Variants in PPP1R1C observed in about 807,000 individuals in gnomAD.
PPP1R1C encodes protein phosphatase 1 regulatory subunit 1C.
In PPP1R1C, 15 loss-of-function variants were observed where a neutral mutation model predicts 17.4. That is an observed-to-expected ratio of 0.86 (90% CI 0.58 to 1.33). The LOEUF is 1.33. Among genes scored for constraint, PPP1R1C ranks in the 40% most tolerant of loss-of-function variants. The probability of loss-of-function intolerance (pLI) is 0.00; values close to 1 mark genes in which losing one functional copy is unlikely to be tolerated. For missense variants in PPP1R1C, 143 were observed against 130.0 expected, an observed-to-expected ratio of 1.10 and a Z score of -0.48; for synonymous variants, 35 against 43.1, an observed-to-expected ratio of 0.81 and a Z score of 0.73.
chr2:181,961,299 G>T lies in PPP1R1C; in HGVS notation n.111+6665G>T. 1.4e-6 allele frequency: 1 copy of T among 736,720 alleles called. No homozygotes were observed. 45.6% of individuals were successfully genotyped at this position (736,720 alleles called of 1,614,324 possible). ...TTTGCATGGAGTTGCTGTTGTCCAGGGCATCACCAAGATTGAAGTCATCAT... is the reference window on the plus strand; with the variant it reads ...TTTGCATGGAGTTGCTGTTGTCCAGTGCATCACCAAGATTGAAGTCATCAT... On this transcript the variant is annotated intron_variant and non_coding_transcript_variant, in intron 1 of 5. Transcript: ENST00000464264. The surrounding 1 kb of genome is among the most constrained non-coding windows in gnomAD (Gnocchi z 5.8).
At chr2:182,018,476 G>A (rs905265993) in intron 2 of PPP1R1C, among the ~76,000 whole-genome samples, 1 of 152,284 alleles carries the variant, frequency 6.6e-6, no homozygotes, top group African/African-American at 2.4e-5. Flanking sequence ...TACATTCCAG[G>A]CATAGCTTGT....
chr2:182,042,879 GAT>G (rs1355328687), intron 2 of PPP1R1C, among the ~76,000 whole-genome samples: 1 of 152,176 alleles, frequency 6.6e-6, no homozygotes, highest in African/African-American at 2.4e-5. Flanking sequence ...CAGAAAATGA[GAT>G]ATGTTCGGTC....
intron 2 of PPP1R1C, among the ~76,000 whole-genome samples, chr2:182,029,646 T>C (rs1248951082): frequency 8.1e-6 from 1 of 123,730 alleles, no homozygotes; most frequent in Non-Finnish European, 1.7e-5. Flanking sequence ...GCCCTTAACA[T>C]TTTTTCCTTC....
chr2:182,037,041 G>A (rs991304941), intron 2 of PPP1R1C, among the ~76,000 whole-genome samples: 2 of 152,108 alleles, frequency 1.3e-5, no homozygotes, highest in African/African-American at 4.8e-5. Context: ...ATACCAGAAC[G>A]GATTGAGGCT....
At chr2:182,116,216 T>C (rs574839423) in intron 4 of PPP1R1C, among the ~76,000 whole-genome samples, 1 of 152,302 alleles carries the variant, frequency 6.6e-6, no homozygotes, top group Non-Finnish European at 1.5e-5. Flanking sequence ...CAATAAATAT[T>C]AATGAGTACC....
chr2:181,959,030 G>A (rs886744919), intron 1 of PPP1R1C, among the ~76,000 whole-genome samples: 15 of 152,204 alleles, frequency 9.9e-5, no homozygotes, highest in Non-Finnish European at 2.2e-4. Flanking sequence ...CATATGTTAA[G>A]CGTTAGTATA....
At chr2:182,004,968 T>C (rs932897304) in intron 2 of PPP1R1C, among the ~76,000 whole-genome samples, 3 of 152,126 alleles carry the variant, frequency 2.0e-5, no homozygotes, top group African/African-American at 2.4e-5. Context: ...ATGGAACCCA[T>C]TACTCTAGAC....
At chr2:182,096,208 T>C (rs748566144) in intron 4 of PPP1R1C, among the ~76,000 whole-genome samples, 13 of 152,174 alleles carry the variant, frequency 8.5e-5, no homozygotes, top group Non-Finnish European at 1.9e-4. Context: ...AATTTAATGG[T>C]AAAAACGGGG....
At chr2:181,998,098 G>A (rs1012438460) in intron 2 of PPP1R1C, among the ~76,000 whole-genome samples, 6 of 152,158 alleles carry the variant, frequency 3.9e-5, no homozygotes, top group Non-Finnish European at 7.4e-5. Context: ...AGGCCATTTT[G>A]TGTAGGACTA....
upstream of PPP1R1C, among the ~76,000 whole-genome samples, chr2:181,981,237 T>C (rs1264631112): frequency 3.3e-5 from 5 of 152,164 alleles, no homozygotes; most frequent in Non-Finnish European, 5.9e-5. Flanking sequence ...CAAGGAGAAG[T>C]TTTAAAGAAC....
At chr2:181,966,380 C>T (rs1459484578) in intron 1 of PPP1R1C, among the ~76,000 whole-genome samples, 1 of 152,144 alleles carries the variant, frequency 6.6e-6, no homozygotes, top group Non-Finnish European at 1.5e-5. Flanking sequence ...TGGTCATGTT[C>T]CAAATCTTAG....
rs1165789924 is a variant in PPP1R1C, at chr2:182,076,197, C to CTTTTTTTTTTTTTT, written c.241+12434_241+12447dup. Among the ~76,000 whole-genome samples the CTTTTTTTTTTTTTT allele has an allele frequency of 3.4e-3, 88 of 25,856 alleles. 29 individuals carry two copies. The highest frequency in any genetic ancestry group is 3.6e-3 in the Non-Finnish European group (60 of 16,606). 17.0% of individuals were successfully genotyped at this position (25,856 alleles called of 152,430 possible). ...GATTTTGAACTTTTTTTTTTCTTTT[C>CTTTTTTTTTTTTTT]TTTTTTTTTTTTTTTTTTTTTTTTT... On this transcript the variant is annotated intron_variant, in intron 4 of 4. Coordinates refer to ENST00000682840, the MANE Select transcript of PPP1R1C (RefSeq NM_001080545.3).
upstream of PPP1R1C, among the ~76,000 whole-genome samples, chr2:181,984,889 A>G (rs888814345): frequency 1.3e-5 from 2 of 152,218 alleles, no homozygotes. Context: ...ATTCGAATGC[A>G]TGAAGGCCAT....
upstream of PPP1R1C, among the ~76,000 whole-genome samples, chr2:181,984,014 C>G (rs1023474254): frequency 6.6e-6 from 1 of 152,084 alleles, no homozygotes; most frequent in African/African-American, 2.4e-5. Context: ...GTATTTATAC[C>G]AAACACATAT....
rs1689817665 is a variant in PPP1R1C at position 182,124,328 on chromosome 2, T to TG, written c.*7-4646_*7-4645insG. On this transcript the variant is annotated intron_variant, in intron 5 of 5. Transcript: ENST00000280295. ...TGTTTTTTTTTGTTTTTTTTTTTTGTTTTTTTTTTTGTTTTTTTTTTTTTG... is the reference window on the plus strand; with the variant it reads ...TGTTTTTTTTTGTTTTTTTTTTTTGTGTTTTTTTTTTGTTTTTTTTTTTTTG... Among the ~76,000 whole-genome samples, 5 of 55,638 alleles carry TG rather than the reference T, an allele frequency of 9.0e-5. No individual in the cohort carries two copies. The South Asian group carries it at 2.5e-3, about 28-fold the overall frequency. The allele number at this position is 55,638 out of a possible 152,430, so 36.5% of individuals were successfully genotyped here.
At chr2:182,035,831 T>C (rs1003433824) in intron 2 of PPP1R1C, among the ~76,000 whole-genome samples, 1 of 152,216 alleles carries the variant, frequency 6.6e-6, no homozygotes, top group Non-Finnish European at 1.5e-5. Context: ...CAGGTAGTGC[T>C]TTATAGCAGT....
At position 181,962,825 on chromosome 2, in the gene PPP1R1C, C is replaced by T. The variant is rs1007747118; in HGVS notation, n.111+8191C>T. On this transcript the variant is annotated intron_variant and non_coding_transcript_variant, in intron 1 of 5. Coordinates refer to the PPP1R1C transcript ENST00000464264. This position sits in a 1 kb window ranked among gnomAD's most constrained non-coding sequence, Gnocchi z 6.0. ...AGCGGAGCCTGAGCTAACCAGGGAC[C>T]TTCACATCCACATGAAGACAGGGGA... 2.6e-5 allele frequency among the ~76,000 whole-genome samples: 4 copies of T among 152,126 alleles called. No individual in the cohort carries two copies. The highest frequency in any genetic ancestry group is 9.7e-5 in the African/African-American group (4 of 41,428).
chr2:182,082,855 C>G (rs1688520302), intron 4 of PPP1R1C, among the ~76,000 whole-genome samples: 2 of 151,960 alleles, frequency 1.3e-5, no homozygotes, highest in Admixed American at 6.6e-5. Context: ...CTTTATGGAG[C>G]AAAAAGGTAC....
intron 4 of PPP1R1C, among the ~76,000 whole-genome samples, chr2:182,082,387 CA>C (rs1360502700): frequency 6.6e-6 from 1 of 152,092 alleles, no homozygotes; most frequent in Non-Finnish European, 1.5e-5. Flanking sequence ...TTATGTTTGA[CA>C]AACATGGGAC....
Sources: gnomAD v4.1 joint callset for allele counts (sites outside exome capture counted in the v4.1 genomes callset) on GRCh38, gnomAD v4.1.1 for gene constraint, Gnocchi (gnomAD v3.1) non-coding constraint, MANE v1.5 for transcripts, NCBI Gene and HGNC (gene_info 2026-07-23, HGNC 2026-07-21) for gene names.